The following PLD5 variants were observed in gnomAD, a reference collection of about 807,000 sequenced individuals.
PLD5 encodes inactive phospholipase D5.
A neutral mutation model predicts 61.1 loss-of-function variants in PLD5; 36 were observed. The observed-to-expected ratio is 0.59, with a 90% CI of 0.45 to 0.78. PLD5 has a LOEUF of 0.78. Among genes scored for constraint, PLD5 ranks in the 30% least tolerant of loss-of-function variants. PLD5 has a pLI of 0.00. For missense variants in PLD5, 515 were observed against 644.4 expected (o/e 0.80, Z 2.17); for synonymous variants, 243 against 242.8 (o/e 1.00, Z -0.01).
chr1:242,326,603 C>G (rs1312653931), intron 2 of PLD5, among the ~76,000 whole-genome samples: 5 of 152,162 alleles, frequency 3.3e-5, no homozygotes, highest in Non-Finnish European at 7.3e-5. Context: ...ACAGCCCAAT[C>G]TCTGCTTGAA....
intron 6 of PLD5, among the ~76,000 whole-genome samples, chr1:242,123,250 A>G (rs1662524303): frequency 6.6e-6 from 1 of 152,244 alleles, no homozygotes; most frequent in Non-Finnish European, 1.5e-5. Context: ...TTAAGTTGCT[A>G]TGGCTTATTT....
intron 1 of PLD5, among the ~76,000 whole-genome samples, chr1:242,405,267 G>A (rs1014539430): frequency 5.3e-5 from 8 of 152,136 alleles, no homozygotes; most frequent in Admixed American, 4.6e-4. Flanking sequence ...AATCCCTTAT[G>A]TTAGTGATTC....
At chr1:242,402,405 G>C (rs750231638) in intron 1 of PLD5, among the ~76,000 whole-genome samples, 1 of 152,064 alleles carries the variant, frequency 6.6e-6, no homozygotes, top group African/African-American at 2.4e-5. Context: ...GAAAAATAAA[G>C]AGTTATAAGG....
intron 2 of PLD5, among the ~76,000 whole-genome samples, chr1:242,335,176 A>G (rs1045293175): frequency 4.6e-5 from 7 of 151,774 alleles, no homozygotes; most frequent in African/African-American, 1.7e-4. Context: ...CAAGAGGTCA[A>G]GGAAAGAGTT....
At chr1:242,099,403 C>T (rs1660508342) in intron 9 of PLD5, among the ~76,000 whole-genome samples, 2 of 152,180 alleles carry the variant, frequency 1.3e-5, no homozygotes, top group South Asian at 4.1e-4. Flanking sequence ...GCTGGGATTA[C>T]CGTGTGAACC....
At chr1:242,230,560 A>G (rs1671234149) in intron 4 of PLD5, among the ~76,000 whole-genome samples, 1 of 152,182 alleles carries the variant, frequency 6.6e-6, no homozygotes, top group Non-Finnish European at 1.5e-5. Context: ...AGTTCAATCA[A>G]TTTAATTACC....
chr1:242,114,204 G>C (rs577940736), intron 6 of PLD5, among the ~76,000 whole-genome samples, 178 bp from the exon 7 acceptor site: 1 of 152,166 alleles, frequency 6.6e-6, no homozygotes, highest in East Asian at 1.9e-4. Flanking sequence ...AAAGATCAAA[G>C]TGTGGTAGGA....
chr1:242,251,212 G>A (rs1184298003), intron 4 of PLD5, among the ~76,000 whole-genome samples: 4 of 152,092 alleles, frequency 2.6e-5, no homozygotes, highest in African/African-American at 7.2e-5. Context: ...TCTGCATATC[G>A]GTGATGAATG....
intron 3 of PLD5, among the ~76,000 whole-genome samples, chr1:242,279,520 T>C (rs926185890): frequency 2.6e-4 from 40 of 151,946 alleles, no homozygotes; most frequent in African/African-American, 9.4e-4. Flanking sequence ...CTGAAAAATA[T>C]GTGTATTTTT....
intron 5 of PLD5, among the ~76,000 whole-genome samples, chr1:242,136,667 C>G (rs567230182): frequency 1.3e-5 from 2 of 152,224 alleles, no homozygotes; most frequent in African/African-American, 4.8e-5. Flanking sequence ...GTGCATCTGA[C>G]TCCTTTCAAT....
At chr1:242,329,508 T>C (rs1052657669) in intron 2 of PLD5, among the ~76,000 whole-genome samples, 12 of 152,144 alleles carry the variant, frequency 7.9e-5, no homozygotes, top group Admixed American at 7.2e-4. Flanking sequence ...TCATCTCCAC[T>C]CAGGTGATCC....
intron 1 of PLD5, chr1:242,449,341 CAG>C (rs1373516844): frequency 9.8e-6 from 15 of 1,535,954 alleles, no homozygotes; most frequent in African/African-American, 1.4e-5. Flanking sequence ...TAGAAAACTC[CAG>C]AGTTTCTTAC....
chr1:242,174,948 G>T lies in PLD5; in HGVS notation c.735+45040C>A, dbSNP rs898386956. Among the ~76,000 whole-genome samples, 4 of 152,120 alleles carry T rather than the reference G, an allele frequency of 2.6e-5. No individual in the cohort carries two copies. The East Asian group carries it at 7.7e-4, about 29-fold the overall frequency. On this transcript the variant is annotated intron_variant, in intron 5 of 9. Coordinates refer to ENST00000536534, the MANE Select transcript of PLD5 (RefSeq NM_001372062.1). ...AGGAGATATACCTAATGTAAATGAT[G>T]AGTTATTGGGTGCAGCATACCAACA... is the stretch of plus-strand genomic sequence containing the variant.
chr1:242,186,463 A>G (rs1667896838), intron 5 of PLD5, among the ~76,000 whole-genome samples: 1 of 152,168 alleles, frequency 6.6e-6, no homozygotes, highest in African/African-American at 2.4e-5. Flanking sequence ...GATTATAGGC[A>G]TGAGCCACCA....
intron 2 of PLD5, among the ~76,000 whole-genome samples, chr1:242,309,615 C>A (rs1054253743): frequency 2.6e-5 from 4 of 151,468 alleles, no homozygotes; most frequent in Non-Finnish European, 4.4e-5. Flanking sequence ...CTCAGGTGAT[C>A]CGCCCACCTC....
At chr1:242,393,673 AGTATATATGT>A (rs1490055545) in intron 1 of PLD5, among the ~76,000 whole-genome samples, 1 of 86,988 alleles carries the variant, frequency 1.1e-5, no homozygotes, top group African/African-American at 4.5e-5. Context: ...TATATATATG[AGTATATATGT>A]GTATATATAT....
chr1:242,348,882 G>A (rs575156360), intron 1 of PLD5, among the ~76,000 whole-genome samples: 38 of 152,220 alleles, frequency 2.5e-4, no homozygotes, highest in South Asian at 6.2e-4. Context: ...GTGAAACCCT[G>A]TCTCTACTAA....
chr1:242,283,398 T>C (rs1420089386), intron 3 of PLD5, among the ~76,000 whole-genome samples: 6 of 152,226 alleles, frequency 3.9e-5, no homozygotes, highest in Non-Finnish European at 2.9e-5. Context: ...TATTTTCTTA[T>C]TGCTACATTA....
intron 5 of PLD5, among the ~76,000 whole-genome samples, chr1:242,196,374 G>A (rs866874974): frequency 6.6e-6 from 1 of 152,126 alleles, no homozygotes; most frequent in South Asian, 2.1e-4. Context: ...TTTTACAACC[G>A]ATACCCTGCA....
Sources: gnomAD v4.1 joint callset for allele counts (sites outside exome capture counted in the v4.1 genomes callset) on GRCh38, gnomAD v4.1.1 for gene constraint, MANE v1.5 for transcripts, NCBI Gene and HGNC (gene_info 2026-07-23, HGNC 2026-07-21) for gene names.